Variants in MGMT observed in about 807,000 individuals in gnomAD.
MGMT encodes the protein O-6-methylguanine-DNA methyltransferase.
In MGMT, 14 loss-of-function variants were observed where a neutral mutation model predicts 15.9. The observed-to-expected ratio is 0.88, with a 90% CI of 0.58 to 1.37. The LOEUF (loss-of-function observed/expected upper bound fraction) is 1.37. MGMT is among the 40% of genes most tolerant of loss of function. The probability of loss-of-function intolerance (pLI) is 0.00; values close to 1 mark genes in which losing one functional copy is unlikely to be tolerated. For missense variants in MGMT, 282 were observed against 268.1 expected (o/e 1.05, Z -0.36); for synonymous variants, 130 against 118.2 (o/e 1.10, Z -0.65).
chr10:129,623,665 A>G (rs1847114803), intron 2 of MGMT, among the ~76,000 whole-genome samples: 1 of 152,078 alleles, frequency 6.6e-6, no homozygotes, highest in Admixed American at 6.5e-5. Context: ...AGTAGCTGGG[A>G]CTACATACGT....
intron 3 of MGMT, among the ~76,000 whole-genome samples, chr10:129,734,724 A>G (rs1455899921): frequency 2.0e-5 from 3 of 152,112 alleles, no homozygotes; most frequent in Non-Finnish European, 4.4e-5. Context: ...TATTATTTTG[A>G]GATACGTCCC....
In MGMT at chr10:129,489,161, C is replaced by G. The variant is rs368112125; in HGVS notation, c.-13+21865C>G. Among the ~76,000 whole-genome samples, 26 of 151,896 alleles carry G rather than the reference C, an allele frequency of 1.7e-4. 1 individual carries two copies. The East Asian group carries it at 4.1e-3, about 24-fold the overall frequency. The stretch of plus-strand genomic sequence containing the variant: ...AGATCATGAGTTCAGGAGTTTGAGA[C>G]CAGTCTAGCCAACATAGTGAAACCC... On this transcript the variant is annotated intron_variant, in intron 1 of 4. Coordinates refer to ENST00000651593, the MANE Select transcript of MGMT (RefSeq NM_002412.5).
chr10:129,739,950 T>A (rs886277782), intron 3 of MGMT, among the ~76,000 whole-genome samples: 1 of 152,280 alleles, frequency 6.6e-6, no homozygotes, highest in African/African-American at 2.4e-5. Flanking sequence ...AGTGGACAGG[T>A]TGGAAATGTA....
chr10:129,613,602 G>A (rs1846987068), intron 2 of MGMT, among the ~76,000 whole-genome samples: 1 of 152,192 alleles, frequency 6.6e-6, no homozygotes, highest in African/African-American at 2.4e-5. Flanking sequence ...CATCTATCTG[G>A]TCTGTTTTTT....
intron 1 of MGMT, among the ~76,000 whole-genome samples, chr10:129,470,199 G>A (rs949019969): frequency 6.6e-6 from 1 of 152,158 alleles, no homozygotes; most frequent in African/African-American, 2.4e-5. Flanking sequence ...AGCTGTGCAG[G>A]AGGGTCCTTG....
chr10:129,737,804 T>G (rs996947666), intron 3 of MGMT, among the ~76,000 whole-genome samples: 10 of 152,174 alleles, frequency 6.6e-5, no homozygotes, highest in African/African-American at 2.4e-4. Context: ...TCTGTTGGAG[T>G]ACCCGGCCGT....
At chr10:129,630,100 C>T (rs925725407) in intron 2 of MGMT, among the ~76,000 whole-genome samples, 3 of 152,188 alleles carry the variant, frequency 2.0e-5, no homozygotes, top group South Asian at 2.1e-4. Flanking sequence ...TAATCGCGTG[C>T]GTCTCCAGTC....
At chr10:129,568,788 C>A (rs905123140) in intron 2 of MGMT, among the ~76,000 whole-genome samples, 6 of 152,106 alleles carry the variant, frequency 3.9e-5, no homozygotes, top group African/African-American at 1.4e-4. Flanking sequence ...ACCTCTGCCC[C>A]CTTTTCCCTG....
chr10:129,489,879 CAG>C (rs1845450835), intron 1 of MGMT, among the ~76,000 whole-genome samples: 1 of 19,084 alleles, frequency 5.2e-5, no homozygotes, highest in African/African-American at 1.9e-4. Flanking sequence ...TCTACATAGA[CAG>C]AGTTTTGCTT....
chr10:129,551,031 T>C (rs1334440530), intron 2 of MGMT, among the ~76,000 whole-genome samples: 1 of 152,180 alleles, frequency 6.6e-6, no homozygotes, highest in Non-Finnish European at 1.5e-5. Flanking sequence ...GCCCTGGGTC[T>C]ACCCTGTCCC....
chr10:129,598,731 T>A (rs1027915480), intron 2 of MGMT, among the ~76,000 whole-genome samples: 1 of 152,212 alleles, frequency 6.6e-6, no homozygotes. Flanking sequence ...ATTAAGTGTC[T>A]GCTTCTAGAG....
intron 3 of MGMT, among the ~76,000 whole-genome samples, chr10:129,755,652 T>C (rs1848797542): frequency 6.6e-6 from 1 of 152,214 alleles, no homozygotes; most frequent in Non-Finnish European, 1.5e-5. Flanking sequence ...GGAAGCACAA[T>C]GGCCTGCCTC....
At chr10:129,677,884 T>C (rs1847803617) in intron 2 of MGMT, among the ~76,000 whole-genome samples, 1 of 152,086 alleles carries the variant, frequency 6.6e-6, no homozygotes, top group African/African-American at 2.4e-5. Flanking sequence ...CTTCAGCTTT[T>C]TGATGAGGCC....
chr10:129,526,778 G>A (rs541800378), intron 1 of MGMT, among the ~76,000 whole-genome samples: 9 of 152,342 alleles, frequency 5.9e-5, no homozygotes, highest in African/African-American at 2.2e-4. Context: ...ACAGTTTTTA[G>A]TGCAGCAGGC....
At chr10:129,526,937 C>T (rs927149696) in intron 1 of MGMT, among the ~76,000 whole-genome samples, 5 of 152,312 alleles carry the variant, frequency 3.3e-5, no homozygotes, top group East Asian at 1.9e-4. Context: ...GGAGATGAAA[C>T]GAAATTCATT....
chr10:129,559,833 G>A (rs945668695), intron 2 of MGMT, among the ~76,000 whole-genome samples: 3 of 152,192 alleles, frequency 2.0e-5, no homozygotes, highest in Middle Eastern at 3.4e-3. Flanking sequence ...CTCAGAAGAG[G>A]TCTGCAGACT....
chr10:129,700,193 G>A (rs1270539149), intron 2 of MGMT: 3 of 152,194 alleles, frequency 2.0e-5, no homozygotes, highest in East Asian at 3.9e-4. Context: ...GCAAGGCCGC[G>A]GTTGTGTCTG....
intron 1 of MGMT, among the ~76,000 whole-genome samples, chr10:129,489,852 A>G (rs1845450313): frequency 6.6e-6 from 1 of 151,016 alleles, no homozygotes. Flanking sequence ...TATACCACAT[A>G]TATATTCTTT....
chr10:129,626,977 G>A (rs1847156891), intron 2 of MGMT, among the ~76,000 whole-genome samples: 1 of 152,172 alleles, frequency 6.6e-6, no homozygotes, highest in South Asian at 2.1e-4. Flanking sequence ...GGAGAGTGAT[G>A]GGTGCTGCCC....
Sources: allele counts gnomAD v4.1 joint callset (sites outside exome capture counted in the v4.1 genomes callset), GRCh38; gene constraint gnomAD v4.1.1; transcripts MANE v1.5; gene names NCBI Gene and HGNC (gene_info 2026-07-23, HGNC 2026-07-21).